OR1E1: variants seen among roughly 807,000 people sequenced by gnomAD.
The protein encoded by OR1E1 is olfactory receptor 1E1.
For missense variants in OR1E1, 330 were observed against 381.0 expected, an observed-to-expected ratio of 0.87 and a Z score of 1.11; for synonymous variants, 125 against 153.1, an observed-to-expected ratio of 0.82 and a Z score of 1.36.
chr17:3,398,012 G>T lies in OR1E1; in HGVS notation c.399C>A (p.Thr133=), dbSNP rs368925577. The T allele has an allele frequency of 6.2e-7, 1 of 1,614,040 alleles. No homozygotes were observed. The highest frequency in any genetic ancestry group is 8.5e-7 in the Non-Finnish European group (1 of 1,179,862). Residue 133 remains threonine, a synonymous_variant, in exon 1 of 1, where the codon ACC becomes ACA. Transcript: ENST00000322608. ...YVAICFPLHY[T]AIMSPMLCLA... ...GACAGAGCATGGGGCTCATGATGGC[G>T]GTGTAGTGCAGGGGGAAGCAGATGG...
In OR1E1 at chr17:3,397,528, TG is replaced by T. The variant is rs2049852761; in HGVS notation, c.882del (p.Asn294LysfsTer4). 3 of 1,614,106 alleles carry T rather than the reference TG, an allele frequency of 1.9e-6. No homozygotes were observed. Among genetic ancestry groups the T allele is most frequent in the Non-Finnish European group, 2.5e-6 (3 of 1,180,028 alleles). ...MLNPFIYSLR[N>X]RDMKGALSRV... ...CTGCTCAGGGCTCCCTTCATGTCTC[TG>T]TTCCTCAGGCTGTAGATGAAGGGGT... is the stretch of plus-strand genomic sequence containing the variant. On this transcript the variant is annotated frameshift_variant, in exon 1 of 1. Coordinates refer to ENST00000322608, the MANE Select transcript of OR1E1 (RefSeq NM_003553.3). LOFTEE classifies it low-confidence loss of function (END_TRUNC).
rs1567578382 is a variant in OR1E1 at position 3,397,904 on chromosome 17, A to G, written c.507T>C (p.Cys169=). The part of the protein sequence containing the change: ...HTLLMARLCF[C]ADNVIPHFFC... ...AAAAGTGGGGGATCACATTGTCTGC[A>G]CAAAAACACAACCTGGCCATGAGTA... Residue 169 remains cysteine, a synonymous_variant, in exon 1 of 1, where the codon TGT becomes TGC. Coordinates refer to ENST00000322608, the MANE Select transcript of OR1E1 (RefSeq NM_003553.3). The G allele has an allele frequency of 1.9e-6, 3 of 1,614,256 alleles. No homozygotes were observed. In the South Asian group the frequency reaches 3.3e-5, roughly 18 times the overall value.
Position 3,398,378 on chromosome 17 carries a change from G to T in OR1E1, c.33C>A (p.Asp11Glu), listed in dbSNP as rs2049863885. 1 of 1,609,936 alleles carries T rather than the reference G, an allele frequency of 6.2e-7. No individual in the cohort carries two copies. Among genetic ancestry groups the T allele is most frequent in the Non-Finnish European group, 8.5e-7 (1 of 1,176,622 alleles). The stretch of plus-strand genomic sequence containing the variant: ...GGATGGGCAGGCCCAGGAGCAGGAA[G>T]TCTGAGATGCTGGTTTGATTTTGTC... The part of the protein sequence containing the change: MMGQNQTSIS[D>E]FLLLGLPIQP... Residue 11 changes from aspartate (D) to glutamate (E), a missense_variant, in exon 1 of 1, where the codon GAC (aspartate) becomes GAA (glutamate). By Grantham distance (45) the Asp-to-Glu change is conservative. Coordinates refer to ENST00000322608, the MANE Select transcript of OR1E1 (RefSeq NM_003553.3).
chr17:3,398,019 T>C lies in OR1E1; in HGVS notation c.392A>G (p.His131Arg), dbSNP rs776221621. ...CATGGGGCTCATGATGGCGGTGTAG[T>C]GCAGGGGGAAGCAGATGGCCACATA... is the stretch of plus-strand genomic sequence containing the variant. ...DRYVAICFPL[H>R]YTAIMSPMLC... Residue 131 changes from histidine (H) to arginine (R), a missense_variant, in exon 1 of 1, where the codon CAC becomes CGC. By Grantham distance (29) the His-to-Arg change is conservative. Transcript: ENST00000322608. 37 of 1,613,756 alleles carry C rather than the reference T, an allele frequency of 2.3e-5. No homozygotes were observed. The highest frequency in any genetic ancestry group is 3.1e-5 in the Non-Finnish European group (36 of 1,179,834).
chr17:3,397,430 A>T lies in OR1E1; in HGVS notation c.*36T>A. 7.2e-7 allele frequency: 1 copy of T among 1,390,126 alleles called. No homozygotes were observed. The highest frequency in any genetic ancestry group is 1.0e-6 in the Non-Finnish European group (1 of 1,003,524). 86.1% of individuals were successfully genotyped at this position (1,390,126 alleles called of 1,614,324 possible). On this transcript the variant is annotated 3_prime_UTR_variant, in exon 1 of 1. Coordinates refer to ENST00000322608, the MANE Select transcript of OR1E1 (RefSeq NM_003553.3). ...ATTCCAATATTAATATCAATATTTT[A>T]CTGGATAAACTATGTAATAGCTCCA...
Position 3,398,243 on chromosome 17 carries a change from G to A in OR1E1, c.168C>T (p.His56=), listed in dbSNP as rs756057071. 8.7e-6 allele frequency: 14 copies of A among 1,614,212 alleles called. No individual in the cohort carries two copies. The South Asian group carries it at 1.2e-4, about 14-fold the overall frequency. Residue 56 remains histidine (H), a synonymous_variant, in exon 1 of 1, where the codon CAC becomes CAT. Transcript: ENST00000322608. ...IVLIRLDSHL[H]TPMYLFLSNL... ...TGCTGAGAAACAAATACATAGGCGT[G>A]TGGAGATGGGAGTCCAGTCGAATGA...
At position 3,398,336 on chromosome 17, in the gene OR1E1, G is replaced by A. The variant is rs751898297; in HGVS notation, c.75C>T (p.Asn25=). The change falls in exon 1 of 1, where the codon AAC becomes AAT. Residue 25 remains asparagine (N), a synonymous_variant. Transcript: ENST00000322608. ...LGLPIQPEQQ[N]LCYALFLAMY... ...TGGCCAAGAACAGGGCATAGCACAG[G>A]TTTTGCTGCTCTGGTTGGATGGGCA... 6.2e-7 allele frequency: 1 copy of A among 1,614,114 alleles called. No homozygotes were observed. The highest frequency in any genetic ancestry group is 1.7e-5 in the Admixed American group (1 of 60,030).
At position 3,398,255 on chromosome 17, in the gene OR1E1, G is replaced by A. The variant is rs150988; in HGVS notation, c.156C>T (p.Asp52=). ...NLLIIVLIRL[D]SHLHTPMYLF... Reference sequence around the variant, plus strand: ...AATACATAGGCGTGTGGAGATGGGAGTCCAGTCGAATGAGGACAATGATGA... The same window carrying A: ...AATACATAGGCGTGTGGAGATGGGAATCCAGTCGAATGAGGACAATGATGA... The change falls in exon 1 of 1, where the codon GAC becomes GAT. Residue 52 remains aspartate, a synonymous_variant. Coordinates refer to ENST00000322608, the MANE Select transcript of OR1E1 (RefSeq NM_003553.3). 0.41 allele frequency: 669,552 copies of A among 1,613,796 alleles called. 142,098 individuals carry two copies. Among genetic ancestry groups the A allele is most frequent in the Admixed American group, 0.59 (35,251 of 60,008 alleles).
In OR1E1 at chr17:3,397,715, C is replaced by A; in HGVS notation, c.696G>T (p.Lys232Asn). The A allele has an allele frequency of 6.2e-7, 1 of 1,613,820 alleles. No individual in the cohort carries two copies. The highest frequency in any genetic ancestry group is 8.5e-7 in the Non-Finnish European group (1 of 1,179,852). The part of the protein sequence containing the change: ...VSSILKVPSS[K>N]GICKAFSTCG... ...AAGTAGAGAAGGCCTTGCAGATACCCTTAGAAGAAGGGACCTTGAGGATGG... is the reference window on the plus strand; with the variant it reads ...AAGTAGAGAAGGCCTTGCAGATACCATTAGAAGAAGGGACCTTGAGGATGG... The change falls in exon 1 of 1, where the codon AAG becomes AAT. Residue 232 changes from lysine to asparagine, a missense_variant. By Grantham distance (94) the Lys-to-Asn change is moderately conservative. Coordinates refer to ENST00000322608, the MANE Select transcript of OR1E1 (RefSeq NM_003553.3).
Position 3,397,957 on chromosome 17 carries a change from T to C in OR1E1, c.454A>G (p.Thr152Ala). Residue 152 changes from threonine to alanine, a missense_variant, in exon 1 of 1, where the codon ACC (threonine) becomes GCC (alanine). By Grantham distance (58) the Thr-to-Ala change is moderately conservative. Coordinates refer to ENST00000322608, the MANE Select transcript of OR1E1 (RefSeq NM_003553.3). ...LALVALSWVLTTFHAMLHTLL... is the reference protein window; with the variant it reads ...LALVALSWVLATFHAMLHTLL... The stretch of plus-strand genomic sequence containing the variant: ...GTGTGTAACATGGCATGGAAGGTGG[T>C]CAGCACCCAGGACAGCGCCACCAGG... 1 of 1,614,170 alleles carries C rather than the reference T, an allele frequency of 6.2e-7. No individual in the cohort carries two copies. The highest frequency in any genetic ancestry group is 8.5e-7 in the Non-Finnish European group (1 of 1,180,040).
Sources: gnomAD v4.1 joint callset for allele counts on GRCh38, gnomAD v4.1.1 for gene constraint, MANE v1.5 for transcripts, NCBI Gene and HGNC (gene_info 2026-07-23, HGNC 2026-07-21) for gene names.